Variants in HPSE2 observed in about 807,000 individuals in gnomAD.
HPSE2 encodes the protein inactive heparanase-2.
Under a neutral mutation model 60.5 loss-of-function variants are expected in HPSE2, and 38 were observed. The ratio of observed to expected loss-of-function variants is 0.63; its 90% CI spans 0.48 to 0.82. The LOEUF (loss-of-function observed/expected upper bound fraction) is 0.82. HPSE2 is among the 40% of genes least tolerant of loss of function. The probability of loss-of-function intolerance (pLI) is 0.00; values close to 1 mark genes in which losing one functional copy is unlikely to be tolerated. For missense variants in HPSE2, 713 were observed against 740.4 expected (o/e 0.96, Z 0.43); for synonymous variants, 295 against 293.2 (o/e 1.01, Z -0.06).
chr10:98,986,538 C>G (rs1334310349), intron 3 of HPSE2, among the ~76,000 whole-genome samples: 5 of 151,430 alleles, frequency 3.3e-5, no homozygotes, highest in African/African-American at 1.2e-4. Flanking sequence ...CAAGAGAAAG[C>G]AGGAAAGATC....
At chr10:98,959,476 C>G (rs1955594315) in intron 3 of HPSE2, among the ~76,000 whole-genome samples, 1 of 151,782 alleles carries the variant, frequency 6.6e-6, no homozygotes, top group African/African-American at 2.4e-5. Context: ...ATAACACTTT[C>G]TGTCTTGACT....
At chr10:98,851,600 T>C (rs148368852) in intron 3 of HPSE2, among the ~76,000 whole-genome samples, 435 of 152,314 alleles carry the variant, frequency 2.9e-3, no homozygotes, top group Middle Eastern at 6.8e-3. Context: ...TCTTCTTTCT[T>C]TCCCAGATTC....
chr10:98,809,944 C>T (rs985039303), intron 3 of HPSE2, among the ~76,000 whole-genome samples: 3 of 152,116 alleles, frequency 2.0e-5, no homozygotes, highest in African/African-American at 7.2e-5. Flanking sequence ...ACGGGCAAAA[C>T]AGATGGCGGA....
chr10:98,575,261 C>T (rs1045985791), intron 9 of HPSE2, among the ~76,000 whole-genome samples: 4 of 151,692 alleles, frequency 2.6e-5, no homozygotes, highest in African/African-American at 9.7e-5. Flanking sequence ...AGAATATCTG[C>T]TATCTACACA....
At chr10:98,907,636 T>TAGTA (rs899076382) in intron 3 of HPSE2, among the ~76,000 whole-genome samples, 1 of 152,188 alleles carries the variant, frequency 6.6e-6, no homozygotes, top group African/African-American at 2.4e-5. Context: ...CATGATGGTA[T>TAGTA]AGTAGACTTT....
chr10:99,003,726 C>A (rs920610254), intron 3 of HPSE2, among the ~76,000 whole-genome samples: 2 of 152,002 alleles, frequency 1.3e-5, no homozygotes, highest in Non-Finnish European at 2.9e-5. Context: ...GGATATGAAC[C>A]CTTTACCAGA....
the HPSE2 span, among the ~76,000 whole-genome samples, chr10:99,271,888 G>A: frequency 6.6e-6 from 1 of 152,154 alleles, no homozygotes; most frequent in African/African-American, 2.4e-5. Flanking sequence ...ATAAGGTGGG[G>A]AAAGGACACC....
At chr10:98,656,028 G>A (rs1295552361) in intron 6 of HPSE2, among the ~76,000 whole-genome samples, 1 of 151,320 alleles carries the variant, frequency 6.6e-6, no homozygotes, top group East Asian at 1.9e-4. Context: ...CAACATGTGA[G>A]AAAAGCAAAA....
chr10:99,195,503 TGAGTA>T (rs1327423283), intron 2 of HPSE2, among the ~76,000 whole-genome samples: 2 of 152,038 alleles, frequency 1.3e-5, no homozygotes, highest in African/African-American at 2.4e-5. Flanking sequence ...ACTGATAAGT[TGAGTA>T]AAGTTGCAGG....
chr10:98,875,163 G>C (rs2134851620), intron 3 of HPSE2, among the ~76,000 whole-genome samples: 1 of 152,156 alleles, frequency 6.6e-6, no homozygotes. Context: ...CAGAAGACAA[G>C]AAATAATTAA....
chr10:99,120,173 G>A (rs1844890497), intron 3 of HPSE2, among the ~76,000 whole-genome samples: 1 of 152,074 alleles, frequency 6.6e-6, no homozygotes, highest in African/African-American at 2.4e-5. Context: ...CAGAATGGAA[G>A]AAAATATTTG....
At position 99,014,185 on chromosome 10, in the gene HPSE2, GTT is replaced by G. The variant is rs1589518170; in HGVS notation, c.610+130051_610+130052del. On this transcript the variant is annotated intron_variant, in intron 3 of 11. Transcript: ENST00000370552. ...CCTGGCTCGTGGACATTGCCACCAA[GTT>G]GTCTGCAACGAGCCTCGCAAGCCAC... 5.9e-5 allele frequency among the ~76,000 whole-genome samples: 9 copies of G among 152,358 alleles called. No individual in the cohort carries two copies. In the East Asian group the frequency reaches 1.7e-3, roughly 29 times the overall value.
chr10:99,301,638 G>C, the HPSE2 span, among the ~76,000 whole-genome samples: 15 of 152,166 alleles, frequency 9.9e-5, no homozygotes, highest in Admixed American at 7.9e-4. Context: ...TCAAAGGTTA[G>C]GGAATAGCTC....
At chr10:99,108,178 C>G (rs974075243) in intron 3 of HPSE2, among the ~76,000 whole-genome samples, 6 of 151,858 alleles carry the variant, frequency 4.0e-5, no homozygotes, top group African/African-American at 1.5e-4. Flanking sequence ...TAGCAAACAG[C>G]TAAGAATGAA....
At chr10:98,773,627 G>C (rs1022864230) in intron 3 of HPSE2, among the ~76,000 whole-genome samples, 13 of 152,222 alleles carry the variant, frequency 8.5e-5, no homozygotes, top group African/African-American at 3.1e-4. Flanking sequence ...ATTTTTTTCT[G>C]AGGAAATAAT....
In HPSE2 at chr10:98,935,584, C is replaced by G. The variant is rs1198698257; in HGVS notation, c.611-191528G>C. On this transcript the variant is annotated intron_variant, in intron 3 of 11. Coordinates refer to ENST00000370552, the MANE Select transcript of HPSE2 (RefSeq NM_021828.5). ...GCTGCAGCTTGCTGGGGGTCCACTCCAGACCCTGTTTGCCAGGGTATCACC... is the reference window on the plus strand; with the variant it reads ...GCTGCAGCTTGCTGGGGGTCCACTCGAGACCCTGTTTGCCAGGGTATCACC... 1.4e-5 allele frequency among the ~76,000 whole-genome samples: 2 copies of G among 144,300 alleles called. 1 individual carries two copies. Among genetic ancestry groups the G allele is most frequent in the Admixed American group, 1.4e-4 (2 of 14,530 alleles). The allele number at this position is 144,300 out of a possible 152,430, so 94.7% of individuals were successfully genotyped here.
chr10:98,513,899 CTAGG>C (rs1254174932), intron 9 of HPSE2, among the ~76,000 whole-genome samples: 1 of 152,096 alleles, frequency 6.6e-6, no homozygotes, highest in Non-Finnish European at 1.5e-5. Flanking sequence ...AATTCCACTC[CTAGG>C]CATATACCCA....
intron 3 of HPSE2, among the ~76,000 whole-genome samples, chr10:98,971,890 C>A (rs1308937053): frequency 2.0e-5 from 3 of 152,008 alleles, no homozygotes; most frequent in Non-Finnish European, 4.4e-5. Context: ...ACAATCCCAC[C>A]AGCAGAATAT....
chr10:99,205,990 G>A (rs76395491), intron 2 of HPSE2, among the ~76,000 whole-genome samples: 1 of 152,310 alleles, frequency 6.6e-6, no homozygotes, highest in African/African-American at 2.4e-5. Context: ...GGACTCATAT[G>A]AAGTGTCACT....
Sources: allele counts gnomAD v4.1 joint callset (sites outside exome capture counted in the v4.1 genomes callset), GRCh38; gene constraint gnomAD v4.1.1; transcripts MANE v1.5; gene names NCBI Gene and HGNC (gene_info 2026-07-23, HGNC 2026-07-21).